SETD7: variants seen among roughly 807,000 people sequenced by gnomAD.
The protein encoded by SETD7 is SET domain containing 7, histone lysine methyltransferase.
SETD7 carries 16 observed loss-of-function variants against 41.8 expected under a neutral mutation model. That is an observed-to-expected ratio of 0.38 (90% confidence interval 0.26 to 0.58). SETD7 has a LOEUF of 0.58. Among genes scored for constraint, SETD7 ranks in the 20% least tolerant of loss-of-function variants. SETD7 has a pLI of 0.64. For synonymous variants in SETD7, 163 were observed against 169.7 expected (o/e 0.96, Z 0.31); for missense variants, 346 against 459.7 (o/e 0.75, Z 2.26).
chr4:139,547,839 C>T (rs1449036938), intron 1 of SETD7, among the ~76,000 whole-genome samples: 2 of 152,268 alleles, frequency 1.3e-5, no homozygotes, highest in East Asian at 3.9e-4. Context: ...TTAAATGGAG[C>T]CAGAGTATGC....
intron 7 of SETD7, among the ~76,000 whole-genome samples, chr4:139,516,737 A>G (rs1304491779): frequency 6.6e-6 from 1 of 152,146 alleles, no homozygotes; most frequent in South Asian, 2.1e-4. Flanking sequence ...ACTCCTTTAT[A>G]TATATTTACC....
In SETD7 at chr4:139,509,548, T is replaced by C; in HGVS notation, c.*2115A>G. 1 of 207,438 alleles carries C rather than the reference T, an allele frequency of 4.8e-6. No homozygotes were observed. Among genetic ancestry groups the C allele is most frequent in the Non-Finnish European group, 8.4e-6 (1 of 118,592 alleles). 12.8% of individuals were successfully genotyped at this position (207,438 alleles called of 1,614,324 possible). On this transcript the variant is annotated 3_prime_UTR_variant, in exon 8 of 8. Transcript: ENST00000274031. ...CTCAGGAATGAAATCATTCAGAGCATAGCTGCATCGGGGGCATGACCAGCA... is the reference window on the plus strand; with the variant it reads ...CTCAGGAATGAAATCATTCAGAGCACAGCTGCATCGGGGGCATGACCAGCA...
Position 139,510,242 on chromosome 4 carries a change from ATC to A in SETD7, c.*1419_*1420del, listed in dbSNP as rs1726833085. On this transcript the variant is annotated 3_prime_UTR_variant, in exon 8 of 8. Coordinates refer to ENST00000274031, the MANE Select transcript of SETD7 (RefSeq NM_030648.4). Reference sequence around the variant, plus strand: ...CAGGAATCACAGCTGACAGCTACAGATCAGCACAACAGCTGCTCTCCAGTCCT... The same window carrying A: ...CAGGAATCACAGCTGACAGCTACAGAAGCACAACAGCTGCTCTCCAGTCCT... 6.3e-4 allele frequency: 5 copies of A among 7,952 alleles called. No homozygotes were observed. 0.5% of individuals were successfully genotyped at this position (7,952 alleles called of 1,614,324 possible). A position where few individuals can be genotyped will look rare whatever the true frequency, so the allele number is the denominator to read the frequency against.
rs1021345134 is a variant in SETD7 at position 139,555,867 on chromosome 4, C to T, written c.40+231G>A. On this transcript the variant is annotated intron_variant, in intron 1 of 7. Transcript: ENST00000274031. This position sits in a 1 kb window ranked among gnomAD's most constrained non-coding sequence, Gnocchi z 4.0. ...GGATGGAGCGGCCGTGCGTTTCCAG[C>T]GCCCCCGGCCTGGCGGAGCCCCATT... 2.6e-5 allele frequency among the ~76,000 whole-genome samples: 4 copies of T among 152,042 alleles called. No individual in the cohort carries two copies. Among genetic ancestry groups the T allele is most frequent in the African/African-American group, 9.7e-5 (4 of 41,448 alleles).
At chr4:139,550,680 A>G (rs1378665234) in intron 1 of SETD7, among the ~76,000 whole-genome samples, 1 of 152,216 alleles carries the variant, frequency 6.6e-6, no homozygotes, top group Non-Finnish European at 1.5e-5. Context: ...TGCCAATAAG[A>G]TCATTAATAT....
intron 2 of SETD7, among the ~76,000 whole-genome samples, chr4:139,543,515 T>C (rs1253327907): frequency 2.0e-5 from 3 of 152,196 alleles, no homozygotes; most frequent in African/African-American, 4.8e-5. Context: ...ATAAAACCAA[T>C]GATACTGACA....
At chr4:139,496,885 C>T (rs1263482743) in intron 7 of SETD7, among the ~76,000 whole-genome samples, 1 of 148,418 alleles carries the variant, frequency 6.7e-6, no homozygotes, top group Non-Finnish European at 1.5e-5. Flanking sequence ...CACACACACA[C>T]ACACATGCAC....
chr4:139,552,871 A>G (rs1442712089), intron 1 of SETD7, among the ~76,000 whole-genome samples: 1 of 152,250 alleles, frequency 6.6e-6, no homozygotes, highest in East Asian at 1.9e-4. Context: ...TTGAAATCAT[A>G]TTAGAGACCA....
rs768051651 is a variant in SETD7, at chr4:139,545,058, T to C, written c.170+1862A>G. On this transcript the variant is annotated intron_variant, in intron 2 of 7. Transcript: ENST00000274031. ...TACTTGTTGAACGAATAAAAAAATT[T>C]GCAGAATAAGGTTAAAAGTGACACT... 2.6e-5 allele frequency among the ~76,000 whole-genome samples: 4 copies of C among 152,220 alleles called. 1 individual carries two copies. Among genetic ancestry groups the C allele is most frequent in the Non-Finnish European group, 5.9e-5 (4 of 68,016 alleles).
At chr4:139,518,310 G>T (rs956972629) in intron 6 of SETD7, among the ~76,000 whole-genome samples, 1 of 152,058 alleles carries the variant, frequency 6.6e-6, no homozygotes, top group African/African-American at 2.4e-5. Context: ...TGTATATTTT[G>T]TAGAGACGGG....
intron 1 of SETD7, among the ~76,000 whole-genome samples, chr4:139,551,129 C>T (rs1358503430): frequency 2.6e-5 from 4 of 152,232 alleles, no homozygotes; most frequent in Non-Finnish European, 4.4e-5. Flanking sequence ...AACAGCATGT[C>T]CCGGTTGCAA....
Position 139,516,961 on chromosome 4 carries a change from T to G in SETD7, c.920+924A>C, listed in dbSNP as rs77595403. ...GGGAACCACTAATCTACTTTCTATCTCTGTGGATTTCCTACATTTTGGACA... is the reference window on the plus strand; with the variant it reads ...GGGAACCACTAATCTACTTTCTATCGCTGTGGATTTCCTACATTTTGGACA... On this transcript the variant is annotated intron_variant, in intron 7 of 7. Transcript: ENST00000274031. Among the ~76,000 whole-genome samples, 207 of 152,318 alleles carry G rather than the reference T, an allele frequency of 1.4e-3. 5 individuals carry two copies. In the East Asian group the frequency reaches 0.035, roughly 26 times the overall value.
chr4:139,528,188 T>C (rs568999139), intron 4 of SETD7, among the ~76,000 whole-genome samples: 1 of 152,362 alleles, frequency 6.6e-6, no homozygotes, highest in South Asian at 2.1e-4. Flanking sequence ...CTTAGTAATT[T>C]TATACTCAGA....
rs1282010975 is a variant in SETD7, at chr4:139,510,883, A to G, written c.*780T>C. The G allele has an allele frequency of 6.6e-6, 1 of 152,638 alleles. No individual in the cohort carries two copies. The highest frequency in any genetic ancestry group is 3.2e-3 in the Middle Eastern group (1 of 316). The allele number at this position is 152,638 out of a possible 1,614,324, so 9.5% of individuals were successfully genotyped here. On this transcript the variant is annotated 3_prime_UTR_variant, in exon 8 of 8. Transcript: ENST00000274031. ...AACTTAATGCAAACAAAGTAAATTC[A>G]TTTCTTCTCACATCTTAAAGCAAAG...
downstream of SETD7, among the ~76,000 whole-genome samples, chr4:139,503,542 A>G (rs1726629284): frequency 2.0e-5 from 3 of 152,200 alleles, no homozygotes; most frequent in South Asian, 6.2e-4. Flanking sequence ...GAAAAGATTA[A>G]ATGAATAATC....
intron 7 of SETD7, among the ~76,000 whole-genome samples, chr4:139,496,861 G>A (rs1726465610): frequency 6.6e-6 from 1 of 151,870 alleles, no homozygotes; most frequent in African/African-American, 2.4e-5. Flanking sequence ...ACTTAGATAA[G>A]TTGTGTTCCT....
At chr4:139,516,107 A>G (rs1277079499) in intron 7 of SETD7, among the ~76,000 whole-genome samples, 2 of 152,176 alleles carry the variant, frequency 1.3e-5, no homozygotes, top group Non-Finnish European at 2.9e-5. Flanking sequence ...GGACACAGGA[A>G]AAAAAGGGAG....
downstream of SETD7, among the ~76,000 whole-genome samples, chr4:139,502,717 C>T (rs1335408187): frequency 6.6e-6 from 1 of 152,106 alleles, no homozygotes; most frequent in African/African-American, 2.4e-5. Context: ...AGCAGAGAGG[C>T]AGGAAAAGAG....
intron 7 of SETD7, among the ~76,000 whole-genome samples, chr4:139,496,929 TAAAG>T (rs1726467435): frequency 6.6e-6 from 1 of 151,656 alleles, no homozygotes; most frequent in Non-Finnish European, 1.5e-5. Context: ...ATAATTCTGA[TAAAG>T]AAATTTCAGA....
Sources: allele counts gnomAD v4.1 joint callset (sites outside exome capture counted in the v4.1 genomes callset), GRCh38; gene constraint gnomAD v4.1.1; non-coding constraint Gnocchi (gnomAD v3.1); transcripts MANE v1.5; gene names NCBI Gene and HGNC (gene_info 2026-07-23, HGNC 2026-07-21).